The following RFX3 variants were observed in gnomAD, a reference collection of about 807,000 sequenced individuals.
The protein encoded by RFX3 is regulatory factor X3.
RFX3 carries 14 observed loss-of-function variants against 98.6 expected under a neutral mutation model. That is an observed-to-expected ratio of 0.14 (90% confidence interval 0.09 to 0.22). RFX3 has a LOEUF of 0.22. RFX3 is among the 10% of genes least tolerant of loss of function. The probability of loss-of-function intolerance (pLI) is 1.00; values close to 1 mark genes in which losing one functional copy is unlikely to be tolerated. For synonymous variants in RFX3, 383 were observed against 328.4 expected (o/e 1.17, Z -1.80); for missense variants, 639 against 926.9 (o/e 0.69, Z 4.03).
chr9:3,311,757 GC>G (rs1829986056), intron 4 of RFX3, among the ~76,000 whole-genome samples: 1 of 152,068 alleles, frequency 6.6e-6, no homozygotes, highest in Non-Finnish European at 1.5e-5. Flanking sequence ...GTGGGTGGGC[GC>G]CTGTTATCCC....
intron 1 of RFX3, among the ~76,000 whole-genome samples, chr9:3,522,263 C>T (rs576613739): frequency 6.6e-6 from 1 of 152,254 alleles, no homozygotes; most frequent in East Asian, 1.9e-4. Context: ...AATATGGGAA[C>T]ACTATGTATC....
At chr9:3,297,034 G>C (rs1190471212) in intron 5 of RFX3, among the ~76,000 whole-genome samples, 1 of 152,054 alleles carries the variant, frequency 6.6e-6, no homozygotes, top group Non-Finnish European at 1.5e-5. Flanking sequence ...TTGACTGTAA[G>C]AGAAACTTGG....
At position 3,285,041 on chromosome 9, in the gene RFX3, A is replaced by C. The variant is rs1225474664; in HGVS notation, c.851+3090T>G. On this transcript the variant is annotated intron_variant, in intron 7 of 16. Transcript: ENST00000617270. ...CTATATAAAAACAATAATCATTCTT[A>C]TCCCTACAATGACTATAATTCCAAA... Among the ~76,000 whole-genome samples the C allele has an allele frequency of 8.6e-5, 13 of 151,838 alleles. No individual in the cohort carries two copies. In the Admixed American group the frequency reaches 8.6e-4, roughly 10 times the overall value.
At chr9:3,272,411 A>G (rs996887542) in intron 9 of RFX3, among the ~76,000 whole-genome samples, 10 of 152,336 alleles carry the variant, frequency 6.6e-5, no homozygotes, top group African/African-American at 1.9e-4. Context: ...AGCTGGCCCA[A>G]TGTATGATAC....
intron 4 of RFX3, among the ~76,000 whole-genome samples, chr9:3,313,662 C>G (rs1233926486): frequency 6.6e-6 from 1 of 152,076 alleles, no homozygotes; most frequent in Non-Finnish European, 1.5e-5. Flanking sequence ...AATAAACAGT[C>G]TAGAGAAATC....
At chr9:3,306,284 C>T (rs1170734739) in intron 4 of RFX3, among the ~76,000 whole-genome samples, 5 of 151,838 alleles carry the variant, frequency 3.3e-5, no homozygotes, top group Admixed American at 6.6e-5. Flanking sequence ...GATTAGGTTA[C>T]GAGTCAGCTA....
chr9:3,432,011 T>C (rs763741800), intron 1 of RFX3, among the ~76,000 whole-genome samples: 56 of 152,106 alleles, frequency 3.7e-4, no homozygotes, highest in Admixed American at 6.6e-4. Flanking sequence ...ACTGGTCTTA[T>C]CTATAAATCT....
intron 1 of RFX3, among the ~76,000 whole-genome samples, chr9:3,493,940 C>A (rs1850931543): frequency 6.6e-6 from 1 of 151,808 alleles, no homozygotes; most frequent in African/African-American, 2.4e-5. Context: ...AGATCCATGT[C>A]CTGCTTTACC....
intron 2 of RFX3, among the ~76,000 whole-genome samples, chr9:3,352,768 T>C (rs184087685): frequency 1.3e-5 from 2 of 152,206 alleles, no homozygotes; most frequent in African/African-American, 4.8e-5. Flanking sequence ...AGGTGAATCC[T>C]GCCATGATCC....
intron 2 of RFX3, among the ~76,000 whole-genome samples, chr9:3,348,836 T>C (rs1353802070): frequency 6.6e-6 from 1 of 152,158 alleles, no homozygotes; most frequent in Non-Finnish European, 1.5e-5. Flanking sequence ...CTAGTTCCTA[T>C]GACATAACCC....
intron 1 of RFX3, among the ~76,000 whole-genome samples, chr9:3,511,308 TATAGA>T (rs1817643754): frequency 6.6e-6 from 1 of 152,010 alleles, no homozygotes. Context: ...GTCTGCTCAT[TATAGA>T]ATAGTTTCAT....
chr9:3,228,916 T>C (rs772395986), intron 15 of RFX3, 27 bp from the exon 16 acceptor site: 12 of 1,593,820 alleles, frequency 7.5e-6, no homozygotes, highest in African/African-American at 5.4e-5. Flanking sequence ...ATTTGTGCAA[T>C]AGTTAATATA....
chr9:3,396,078 G>A (rs992996550), intron 1 of RFX3, among the ~76,000 whole-genome samples: 14 of 151,286 alleles, frequency 9.3e-5, no homozygotes, highest in Non-Finnish European at 2.1e-4. Context: ...TAGGGTACAT[G>A]TGCACAATGT....
chr9:3,229,965 T>C (rs1028173093), intron 15 of RFX3, among the ~76,000 whole-genome samples: 1 of 152,216 alleles, frequency 6.6e-6, no homozygotes, highest in African/African-American at 2.4e-5. Flanking sequence ...CTTATACATT[T>C]ATTCCAAGGT....
At chr9:3,335,156 T>C (rs1833023293) in intron 3 of RFX3, among the ~76,000 whole-genome samples, 2 of 151,886 alleles carry the variant, frequency 1.3e-5, no homozygotes, top group Admixed American at 6.6e-5. Context: ...AATAATATTC[T>C]TAGCCATTGT....
chr9:3,422,649 T>C (rs898351389), intron 1 of RFX3, among the ~76,000 whole-genome samples: 2 of 152,212 alleles, frequency 1.3e-5, no homozygotes, highest in African/African-American at 4.8e-5. Context: ...GTCAGGCTTA[T>C]TATTTTACAG....
chr9:3,478,464 G>A (rs1849463226), intron 1 of RFX3, among the ~76,000 whole-genome samples: 1 of 145,678 alleles, frequency 6.9e-6, no homozygotes, highest in Admixed American at 7.1e-5. Flanking sequence ...TGGCTTCCAA[G>A]AAGTCATACC....
At chr9:3,261,949 T>C (rs1471615703) in intron 13 of RFX3, among the ~76,000 whole-genome samples, 1 of 152,238 alleles carries the variant, frequency 6.6e-6, no homozygotes. Context: ...GTATGTTTTC[T>C]TTGCGGAAAT....
chr9:3,485,059 C>G lies in RFX3; in HGVS notation c.-9+40688G>C, dbSNP rs145532425. On this transcript the variant is annotated intron_variant, in intron 1 of 16. Coordinates refer to ENST00000617270, the MANE Select transcript of RFX3 (RefSeq NM_001282116.2). ...CCAGGGAGTTCAAGGCTTCAGTGAACTATGACGGTATCACCGCACTCCAGT... is the reference window on the plus strand; with the variant it reads ...CCAGGGAGTTCAAGGCTTCAGTGAAGTATGACGGTATCACCGCACTCCAGT... Among the ~76,000 whole-genome samples, 243 of 152,188 alleles carry G rather than the reference C, an allele frequency of 1.6e-3. 1 individual carries two copies. The highest frequency in any genetic ancestry group is 5.7e-3 in the African/African-American group (236 of 41,522).
Sources: gnomAD v4.1 joint callset for allele counts (sites outside exome capture counted in the v4.1 genomes callset) on GRCh38, gnomAD v4.1.1 for gene constraint, MANE v1.5 for transcripts, NCBI Gene and HGNC (gene_info 2026-07-23, HGNC 2026-07-21) for gene names.